DMBT1: variants seen among roughly 807,000 people sequenced by gnomAD.
The protein encoded by DMBT1 is scavenger receptor cysteine-rich domain-containing protein DMBT1.
In DMBT1, 198 loss-of-function variants were observed where a neutral mutation model predicts 252.9. The ratio of observed to expected loss-of-function variants is 0.78; its 90% CI spans 0.70 to 0.88. The LOEUF is 0.88. DMBT1 is among the 40% of genes least tolerant of loss of function. The probability of loss-of-function intolerance (pLI) is 0.00; values close to 1 mark genes in which losing one functional copy is unlikely to be tolerated. For synonymous variants in DMBT1, 990 were observed against 942.7 expected (o/e 1.05, Z -0.92); for missense variants, 2,432 against 2,404.7 (o/e 1.01, Z -0.24).
chr10:122,637,074 G>A (rs1489206065), intron 53 of DMBT1, 54 bp from the exon 54 acceptor site: 1 of 1,548,634 alleles, frequency 6.5e-7, no homozygotes, highest in South Asian at 1.2e-5. Flanking sequence ...GGCCCCGTAG[G>A]ACTTGTGGAG....
chr10:122,585,395 G>C, intron 15 of DMBT1, 86 bp downstream of exon 15: 1 of 1,479,242 alleles, frequency 6.8e-7, no homozygotes, highest in South Asian at 1.3e-5. Flanking sequence ...TGAGGGTCAA[G>C]GTGGGCCCCT....
rs575719711 is a variant in DMBT1 at position 122,597,528 on chromosome 10, T to G, written c.2918-446T>G. Among the ~76,000 whole-genome samples, 3 of 152,294 alleles carry G rather than the reference T, an allele frequency of 2.0e-5. No homozygotes were observed. In the South Asian group the frequency reaches 6.2e-4, roughly 32 times the overall value. On this transcript the variant is annotated intron_variant, in intron 24 of 55. Transcript: ENST00000338354. ...ACCCCAGATTCTGCAGGGCTACATG[T>G]GCATCCAGAAGAGGCATAGGCCATG...
intron 16 of DMBT1, among the ~76,000 whole-genome samples, chr10:122,587,008 A>T (rs921494478): frequency 3.4e-5 from 5 of 148,454 alleles, no homozygotes; most frequent in Admixed American, 1.3e-4. Flanking sequence ...CTTACCCCTG[A>T]CCAGGGAGGA....
In DMBT1 at chr10:122,592,344, A is replaced by G; in HGVS notation, c.2249A>G (p.Tyr750Cys). Residue 750 changes from tyrosine (Y) to cysteine (C), a missense_variant, in exon 20 of 56, where the codon TAC becomes TGC. Transcript: ENST00000338354. ...DRCQGRVEVLYRGSWGTVCDD... is the reference protein window; with the variant it reads ...DRCQGRVEVLCRGSWGTVCDD... ...TGTCAGGGCCGAGTAGAGGTCCTAT[A>G]CCGAGGCTCCTGGGGCACCGTGTGT... The G allele has an allele frequency of 1.3e-6, 2 of 1,588,076 alleles. 1 individual carries two copies. The highest frequency in any genetic ancestry group is 1.7e-6 in the Non-Finnish European group (2 of 1,165,694).
chr10:122,631,694 G>C (rs529887335), intron 49 of DMBT1, among the ~76,000 whole-genome samples, 161 bp from the exon 50 acceptor site: 1 of 152,128 alleles, frequency 6.6e-6, no homozygotes, highest in Admixed American at 6.5e-5. Context: ...AGCATCTGGG[G>C]AAGCTGGGAA....
chr10:122,620,213 C>A lies in DMBT1; in HGVS notation c.5246-40C>A, dbSNP rs367635415. 1.9e-6 allele frequency: 3 copies of A among 1,608,528 alleles called. No individual in the cohort carries two copies. The South Asian group carries it at 3.3e-5, about 18-fold the overall frequency. ...ATTTTTTTTTGTAGCTTTCCTCCCTCAAGTCTAATTTTGTCCTTTCTCTTT... is the reference window on the plus strand; with the variant it reads ...ATTTTTTTTTGTAGCTTTCCTCCCTAAAGTCTAATTTTGTCCTTTCTCTTT... On this transcript the variant is annotated intron_variant, in intron 42 of 55. Coordinates refer to ENST00000338354, the MANE Select transcript of DMBT1 (RefSeq NM_001377530.1).
chr10:122,630,315 T>C lies in DMBT1; in HGVS notation c.5850T>C (p.Phe1950=), dbSNP rs1165421532. 2 of 1,614,054 alleles carry C rather than the reference T, an allele frequency of 1.2e-6. No individual in the cohort carries two copies. Among genetic ancestry groups the C allele is most frequent in the Non-Finnish European group, 8.5e-7 (1 of 1,179,880 alleles). The stretch of plus-strand genomic sequence containing the variant: ...TGGAGGCACACCATAACTGCAGTTT[T>C]GATTATGTTGAAATCTTTGATGGAT... ...LKLEAHHNCS[F]DYVEIFDGSL... The change falls in exon 48 of 56, where the codon TTT becomes TTC. Residue 1950 remains phenylalanine (F), a synonymous_variant. Transcript: ENST00000338354.
At position 122,625,501 on chromosome 10, in the gene DMBT1, G is replaced by A. The variant is rs565501062; in HGVS notation, c.5635+198G>A. 1.4e-3 allele frequency among the ~76,000 whole-genome samples: 214 copies of A among 152,276 alleles called. 1 individual carries two copies. Among genetic ancestry groups the A allele is most frequent in the African/African-American group, 4.7e-3 (196 of 41,564 alleles). On this transcript the variant is annotated intron_variant, in intron 45 of 55. Coordinates refer to ENST00000338354, the MANE Select transcript of DMBT1 (RefSeq NM_001377530.1). ...CTGGTTCACCGTGGAGGGCCCCTGT[G>A]GCCTCCTGCTATTGCCTGCTGATAG...
At position 122,590,195 on chromosome 10, in the gene DMBT1, G is replaced by A. The variant is rs1263840308; in HGVS notation, c.2108-470G>A. On this transcript the variant is annotated intron_variant, in intron 17 of 55. Coordinates refer to ENST00000338354, the MANE Select transcript of DMBT1 (RefSeq NM_001377530.1). ...TGTCCAAGTCTGGCCTGGGTTTTGG[G>A]GGTGTGAGTGCTTGACTGCAATTCC... Among the ~76,000 whole-genome samples, 4 of 148,848 alleles carry A rather than the reference G, an allele frequency of 2.7e-5. 1 individual carries two copies. Among genetic ancestry groups the A allele is most frequent in the Non-Finnish European group, 6.0e-5 (4 of 66,788 alleles).
chr10:122,589,308 T>C, intron 17 of DMBT1, 41 bp downstream of exon 17: 2 of 1,586,946 alleles, frequency 1.3e-6, no homozygotes, highest in South Asian at 1.2e-5. Context: ...TTGGGGTAGA[T>C]TTTGCCCAGG....
At chr10:122,642,879 C>A (rs1246076026) in intron 55 of DMBT1, among the ~76,000 whole-genome samples, 2 of 152,160 alleles carry the variant, frequency 1.3e-5, no homozygotes, top group African/African-American at 4.8e-5. Flanking sequence ...ACCTGCTTGT[C>A]TATCGGGAAA....
rs1411966037 is a variant in DMBT1, at chr10:122,643,487, C to G, written c.*89C>G. 6.8e-7 allele frequency: 1 copy of G among 1,477,014 alleles called. No homozygotes were observed. Among genetic ancestry groups the G allele is most frequent in the African/African-American group, 1.4e-5 (1 of 71,458 alleles). 91.5% of individuals were successfully genotyped at this position (1,477,014 alleles called of 1,614,324 possible). A position where few individuals can be genotyped will look rare whatever the true frequency, so the allele number is the denominator to read the frequency against. ...TTCCTCTTGGTGTCATATTCCAACTCAGATTGAGCCCTACATTGTGCTGCA... is the reference window on the plus strand; with the variant it reads ...TTCCTCTTGGTGTCATATTCCAACTGAGATTGAGCCCTACATTGTGCTGCA... On this transcript the variant is annotated 3_prime_UTR_variant, in exon 56 of 56. Transcript: ENST00000338354.
Position 122,600,165 on chromosome 10 carries a change from A to G in DMBT1, c.3310+72A>G, listed in dbSNP as rs2097931333. 1.9e-6 allele frequency: 3 copies of G among 1,550,670 alleles called. 1 individual carries two copies. The highest frequency in any genetic ancestry group is 2.9e-5 in the African/African-American group (2 of 69,868). On this transcript the variant is annotated intron_variant, in intron 27 of 55. Transcript: ENST00000338354. The stretch of plus-strand genomic sequence containing the variant: ...CAATCACCCCTTCCACACTCCACAG[A>G]GCTCTCCTGTTTCTCTGTGTGGATA...
In DMBT1 at chr10:122,621,269, C is replaced by T. The variant is rs1173986778; in HGVS notation, c.5497C>T (p.Leu1833=). The T allele has an allele frequency of 1.2e-6, 2 of 1,613,816 alleles. No individual in the cohort carries two copies. The highest frequency in any genetic ancestry group is 1.7e-6 in the Non-Finnish European group (2 of 1,179,756). The part of the protein sequence containing the change: ...RFGQGSGPIV[L]DDVRCSGNES... ...TGGCCAGGGCTCAGGACCCATTGTC[C>T]TGGATGATGTGCGCTGCTCAGGGAA... Residue 1833 remains leucine, a synonymous_variant, in exon 44 of 56, where the codon CTG becomes TTG. Transcript: ENST00000338354.
chr10:122,568,012 G>A (rs2097615637), intron 2 of DMBT1, among the ~76,000 whole-genome samples: 1 of 152,196 alleles, frequency 6.6e-6, no homozygotes, highest in Non-Finnish European at 1.5e-5. Context: ...CAATGAATGT[G>A]GATGGACTAG....
intron 52 of DMBT1, among the ~76,000 whole-genome samples, chr10:122,633,549 G>C (rs1018733611): frequency 1.3e-5 from 2 of 152,170 alleles, no homozygotes; most frequent in Admixed American, 1.3e-4. Flanking sequence ...GTTGGGGAGG[G>C]GGCACGAGAG....
intron 47 of DMBT1, 28 bp from the exon 48 acceptor site, chr10:122,630,260 T>C (rs2098151148): frequency 6.2e-7 from 1 of 1,600,100 alleles, no homozygotes; most frequent in African/African-American, 1.3e-5. Context: ...AATTTCAATG[T>C]TGACTTGAAT....
At chr10:122,593,332 G>A (rs1222930743) in intron 20 of DMBT1, among the ~76,000 whole-genome samples, 2 of 148,344 alleles carry the variant, frequency 1.3e-5, no homozygotes, top group Middle Eastern at 3.4e-3. Flanking sequence ...TAGGTCAACC[G>A]GGTTACCCTG....
chr10:122,620,961 A>C, intron 43 of DMBT1, 96 bp from the exon 44 acceptor site: 1 of 1,574,584 alleles, frequency 6.4e-7, no homozygotes, highest in Non-Finnish European at 8.6e-7. Flanking sequence ...TGCACACGTG[A>C]CTTTGGCCAT....
Sources: allele counts gnomAD v4.1 joint callset (sites outside exome capture counted in the v4.1 genomes callset), GRCh38; gene constraint gnomAD v4.1.1; transcripts MANE v1.5; gene names NCBI Gene and HGNC (gene_info 2026-07-23, HGNC 2026-07-21).